CALN1: variants seen among roughly 807,000 people sequenced by gnomAD.
CALN1 encodes the protein calneuron 1, also known as calcium-binding protein 8.
CALN1 carries 17 observed loss-of-function variants against 30.6 expected under a neutral mutation model. The ratio of observed to expected loss-of-function variants is 0.56; its 90% CI spans 0.38 to 0.83. The LOEUF (loss-of-function observed/expected upper bound fraction) is 0.83. Among genes scored for constraint, CALN1 ranks in the 40% least tolerant of loss-of-function variants. CALN1 has a pLI of 0.00. For synonymous variants in CALN1, 156 were observed against 131.4 expected, an observed-to-expected ratio of 1.19 and a Z score of -1.28; for missense variants, 291 against 354.9, an observed-to-expected ratio of 0.82 and a Z score of 1.45.
At chr7:71,910,404 C>T (rs773520071) in intron 5 of CALN1, among the ~76,000 whole-genome samples, 36 of 152,294 alleles carry the variant, frequency 2.4e-4, no homozygotes, top group East Asian at 9.7e-4. Flanking sequence ...ATTCCTCTTA[C>T]GTGCCAGAAG....
intron 1 of CALN1, among the ~76,000 whole-genome samples, chr7:72,410,624 C>T (rs1366431349): frequency 2.0e-5 from 3 of 152,216 alleles, no homozygotes; most frequent in Admixed American, 1.3e-4. Flanking sequence ...CCCTTCATGT[C>T]CTGGCTTAAA....
intron 5 of CALN1, among the ~76,000 whole-genome samples, chr7:71,901,999 G>A (rs1793876819): frequency 6.6e-6 from 1 of 152,164 alleles, no homozygotes; most frequent in African/African-American, 2.4e-5. Flanking sequence ...AAGAATGGGA[G>A]AAAATATCTA....
intron 2 of CALN1, among the ~76,000 whole-genome samples, chr7:72,399,847 T>C (rs907495893): frequency 6.6e-6 from 1 of 152,124 alleles, no homozygotes; most frequent in African/African-American, 2.4e-5. Context: ...GGCGGATGCC[T>C]CATGAATGCC....
At chr7:71,831,871 C>CA (rs751078568) in intron 5 of CALN1, among the ~76,000 whole-genome samples, 8,755 of 20,684 alleles carry the variant, frequency 0.42, 3,054 homozygotes, top group East Asian at 0.71. Context: ...AACCCTGCCT[C>CA]AAAAAAAAAA....
At chr7:72,205,845 A>C (rs1791837689) in intron 3 of CALN1, among the ~76,000 whole-genome samples, 2 of 152,046 alleles carry the variant, frequency 1.3e-5, no homozygotes, top group African/African-American at 4.8e-5. Context: ...AATTCAATTA[A>C]TTGTATGCTT....
At chr7:72,400,597 T>C (rs1449409571) in intron 2 of CALN1, among the ~76,000 whole-genome samples, 1 of 152,098 alleles carries the variant, frequency 6.6e-6, no homozygotes, top group Non-Finnish European at 1.5e-5. Flanking sequence ...AGGCCAGGCA[T>C]CATGGTTCAA....
intron 6 of CALN1, among the ~76,000 whole-genome samples, chr7:71,797,021 G>A (rs1286742889): frequency 1.3e-5 from 2 of 152,180 alleles, no homozygotes; most frequent in African/African-American, 4.8e-5. Flanking sequence ...GACAGGCAGT[G>A]GTTCTTGGCT....
chr7:72,482,460 T>G, the CALN1 span, among the ~76,000 whole-genome samples: 1 of 152,140 alleles, frequency 6.6e-6, no homozygotes, highest in East Asian at 1.9e-4. Flanking sequence ...TTCTAGCTTC[T>G]TTTGAATGAA....
chr7:72,283,527 T>C (rs1384038256), intron 2 of CALN1, among the ~76,000 whole-genome samples: 3 of 77,302 alleles, frequency 3.9e-5, no homozygotes, highest in African/African-American at 1.6e-4. Context: ...AGAGCAAGAC[T>C]CTTGACTCTA....
chr7:72,286,155 T>C lies in CALN1; in HGVS notation c.120-7345A>G, dbSNP rs1316145921. On this transcript the variant is annotated intron_variant, in intron 2 of 6. Coordinates refer to ENST00000395275, the MANE Select transcript of CALN1 (RefSeq NM_031468.4). ...AGATAGTACAGGGATAAGAAGAGAT[T>C]GTTATCTACCCAAATTCTCTTCTGT... 2.0e-5 allele frequency among the ~76,000 whole-genome samples: 3 copies of C among 152,192 alleles called. No homozygotes were observed. The East Asian group carries it at 5.8e-4, about 29-fold the overall frequency.
At chr7:72,161,254 TC>T (rs1788086451) in intron 3 of CALN1, among the ~76,000 whole-genome samples, 1 of 152,206 alleles carries the variant, frequency 6.6e-6, no homozygotes. Flanking sequence ...TTTCTTTCTT[TC>T]TGTATTCCCT....
At chr7:72,218,426 C>G (rs771146507) in intron 3 of CALN1, among the ~76,000 whole-genome samples, 1 of 151,912 alleles carries the variant, frequency 6.6e-6, no homozygotes, top group Admixed American at 6.6e-5. Flanking sequence ...CCAGCCTGGG[C>G]AACAGAGCGA....
chr7:72,390,653 C>T (rs7799851), intron 2 of CALN1, among the ~76,000 whole-genome samples: 10,580 of 152,116 alleles, frequency 0.07, 1,014 homozygotes, highest in African/African-American at 0.21. Flanking sequence ...TAGCAATGCC[C>T]GACTGTGCCA....
intron 5 of CALN1, among the ~76,000 whole-genome samples, chr7:71,827,776 AAATAAAT>A (rs1231119250): frequency 2.1e-3 from 7 of 3,270 alleles, no homozygotes; most frequent in African/African-American, 3.0e-3. Context: ...CATCTTAAAA[AAATAAAT>A]AAATAAATAA....
chr7:72,216,303 G>A (rs1040591890), intron 3 of CALN1, among the ~76,000 whole-genome samples: 2 of 151,932 alleles, frequency 1.3e-5, no homozygotes, highest in East Asian at 3.9e-4. Flanking sequence ...GTGTGCACCT[G>A]TAGTCCCAGA....
intron 3 of CALN1, among the ~76,000 whole-genome samples, chr7:72,254,173 G>A (rs540053883): frequency 1.8e-4 from 27 of 152,226 alleles, no homozygotes; most frequent in South Asian, 4.2e-4. Context: ...AACCTTTCTC[G>A]GTGCTGCGCT....
In CALN1 at chr7:72,196,435, A is replaced by G. The variant is rs930674981; in HGVS notation, c.244+82251T>C. Among the ~76,000 whole-genome samples the G allele has an allele frequency of 3.3e-5, 5 of 152,308 alleles. No homozygotes were observed. In the East Asian group the frequency reaches 9.6e-4, roughly 29 times the overall value. On this transcript the variant is annotated intron_variant, in intron 3 of 6. Transcript: ENST00000395275. Reference sequence around the variant, plus strand: ...CTCCTGGCCTTCAGTTTCTTTATGGAGCAACAAAAATGTTCTAAAAGTGAT... The same window carrying G: ...CTCCTGGCCTTCAGTTTCTTTATGGGGCAACAAAAATGTTCTAAAAGTGAT...
rs941390274 is a variant in CALN1 at position 72,302,632 on chromosome 7, A to C, written c.120-23822T>G. Among the ~76,000 whole-genome samples the C allele has an allele frequency of 6.6e-5, 10 of 151,998 alleles. 1 individual carries two copies. Among genetic ancestry groups the C allele is most frequent in the Admixed American group, 6.6e-4 (10 of 15,246 alleles). On this transcript the variant is annotated intron_variant, in intron 2 of 6. Transcript: ENST00000395275. ...AAACAGGATGAGCGCAGTGGCTCAC[A>C]CCTGTAATCCCAGCACTTTGGGAGG...
chr7:72,221,502 A>G (rs1317453421), intron 3 of CALN1, among the ~76,000 whole-genome samples: 1 of 151,838 alleles, frequency 6.6e-6, no homozygotes, highest in Non-Finnish European at 1.5e-5. Flanking sequence ...GTGTTAGGTC[A>G]CAGCTTTAAA....
Sources: allele counts gnomAD v4.1 joint callset (sites outside exome capture counted in the v4.1 genomes callset), GRCh38; gene constraint gnomAD v4.1.1; transcripts MANE v1.5; gene names NCBI Gene and HGNC (gene_info 2026-07-23, HGNC 2026-07-21).